Variants in ST8SIA1 observed in about 807,000 individuals in gnomAD.
ST8SIA1 encodes the protein ST8 alpha-N-acetyl-neuraminide alpha-2,8-sialyltransferase 1, also known as alpha-N-acetylneuraminide alpha-2,8-sialyltransferase.
In ST8SIA1, 16 loss-of-function variants were observed where a neutral mutation model predicts 35.9. The ratio of observed to expected loss-of-function variants is 0.45; its 90% CI spans 0.30 to 0.68. The LOEUF (loss-of-function observed/expected upper bound fraction) is 0.68, where lower values mean the gene tolerates loss of function less well. Ranked by LOEUF, ST8SIA1 falls within the 30% of genes least tolerant of loss-of-function variation. The probability of loss-of-function intolerance (pLI) is 0.09; values close to 1 mark genes in which losing one functional copy is unlikely to be tolerated. For synonymous variants in ST8SIA1, 170 were observed against 169.6 expected (o/e 1.00, Z -0.02); for missense variants, 383 against 453.6 (o/e 0.84, Z 1.41).
At position 22,309,221 on chromosome 12, in the gene ST8SIA1, C is replaced by T. The variant is rs186769801; in HGVS notation, c.237-21928G>A. 1.3e-3 allele frequency among the ~76,000 whole-genome samples: 204 copies of T among 152,202 alleles called. 1 individual carries two copies. Among genetic ancestry groups the T allele is most frequent in the East Asian group, 4.4e-3 (23 of 5,180 alleles). On this transcript the variant is annotated intron_variant, in intron 1 of 4. Coordinates refer to ENST00000396037, the MANE Select transcript of ST8SIA1 (RefSeq NM_003034.4). ...AAGTTGGACACACCTTGCTAGACCT[C>T]CTCCCTCGCTAACTACCATTAGCTT...
At chr12:22,320,937 GAAA>G in intron 1 of ST8SIA1, among the ~76,000 whole-genome samples, 1 of 60,948 alleles carries the variant, frequency 1.6e-5, no homozygotes, top group Non-Finnish European at 3.4e-5. Context: ...AAGAAAGAAA[GAAA>G]GAAAGAAAGA....
At chr12:22,328,800 C>T (rs1312968578) in intron 1 of ST8SIA1, among the ~76,000 whole-genome samples, 41 of 152,180 alleles carry the variant, frequency 2.7e-4, no homozygotes, top group Non-Finnish European at 1.5e-5. Context: ...ACATTTTAAA[C>T]ACATTATCTA....
rs749094158 is a variant in ST8SIA1 at position 22,334,061 on chromosome 12, C to T, written c.172G>A (p.Val58Met). 1.1e-5 allele frequency: 18 copies of T among 1,614,100 alleles called. No homozygotes were observed. In the South Asian group the frequency reaches 1.9e-4, roughly 17 times the overall value. ...VYRLPNEKEI[V>M]QGVLQQGTAW... The stretch of plus-strand genomic sequence containing the variant: ...GTGCCCTGTTGCAGCACCCCCTGCA[C>T]GATCTCTTTCTCGTTGGGCAGCCGG... The change falls in exon 1 of 5, where the codon GTG becomes ATG. Residue 58 changes from valine to methionine, a missense_variant. Transcript: ENST00000396037.
At chr12:22,308,265 T>C (rs1243561397) in intron 1 of ST8SIA1, among the ~76,000 whole-genome samples, 1 of 152,206 alleles carries the variant, frequency 6.6e-6, no homozygotes, top group African/African-American at 2.4e-5. Flanking sequence ...TTGAAAGTTA[T>C]AGATGCTTGT....
At chr12:22,289,421 T>C (rs1341033321) in intron 1 of ST8SIA1, among the ~76,000 whole-genome samples, 1 of 152,128 alleles carries the variant, frequency 6.6e-6, no homozygotes, top group East Asian at 1.9e-4. Context: ...GGCTTTCTCC[T>C]CTTTGCGAGC....
At chr12:22,202,091 C>T (rs999953493) in intron 4 of ST8SIA1, 53 bp from the exon 5 acceptor site, 59 of 1,498,182 alleles carry the variant, frequency 3.9e-5, no homozygotes, top group Admixed American at 6.9e-5. Context: ...AAGAAACTCA[C>T]CAAAACCCAC....
chr12:22,232,340 T>C (rs1248939513), intron 4 of ST8SIA1, among the ~76,000 whole-genome samples: 2 of 152,026 alleles, frequency 1.3e-5, no homozygotes, highest in Admixed American at 6.5e-5. Context: ...AATACGAAAG[T>C]AGAGCCACCG....
At chr12:22,240,377 G>A (rs1250801526) in intron 4 of ST8SIA1, among the ~76,000 whole-genome samples, 1 of 152,052 alleles carries the variant, frequency 6.6e-6, no homozygotes, top group Non-Finnish European at 1.5e-5. Flanking sequence ...ATTTTTAGGG[G>A]CTTTTCTTTT....
intron 2 of ST8SIA1, among the ~76,000 whole-genome samples, chr12:22,274,034 A>G (rs1029767501): frequency 3.3e-5 from 5 of 152,210 alleles, no homozygotes; most frequent in Non-Finnish European, 7.3e-5. Flanking sequence ...ATTAGGTAAG[A>G]GGAGGCAACA....
At chr12:22,287,488 C>CA (rs60549878) in intron 1 of ST8SIA1, among the ~76,000 whole-genome samples, 195 bp from the exon 2 acceptor site, 32,702 of 126,030 alleles carry the variant, frequency 0.26, 3,885 homozygotes, top group Middle Eastern at 0.33. Flanking sequence ...TATTTCACAG[C>CA]AAAAAAAAAA....
At chr12:22,279,639 T>C (rs1396282527) in intron 2 of ST8SIA1, among the ~76,000 whole-genome samples, 1 of 152,216 alleles carries the variant, frequency 6.6e-6, no homozygotes, top group African/African-American at 2.4e-5. Flanking sequence ...GCATTCTGCA[T>C]ACTAGCAGCA....
chr12:22,311,435 C>T (rs1866448505), intron 1 of ST8SIA1, among the ~76,000 whole-genome samples: 1 of 152,108 alleles, frequency 6.6e-6, no homozygotes, highest in African/African-American at 2.4e-5. Context: ...AAGCAAAAGG[C>T]TAAGCAACAT....
At chr12:22,243,700 C>T (rs976202926) in intron 4 of ST8SIA1, among the ~76,000 whole-genome samples, 1 of 152,206 alleles carries the variant, frequency 6.6e-6, no homozygotes, top group Admixed American at 6.5e-5. Flanking sequence ...ACAACACTGA[C>T]AGTGGTGCTG....
At chr12:22,330,028 A>G (rs1378515686) in intron 1 of ST8SIA1, among the ~76,000 whole-genome samples, 4 of 152,144 alleles carry the variant, frequency 2.6e-5, no homozygotes, top group African/African-American at 7.2e-5. Flanking sequence ...CCACTTTTCT[A>G]TGGTGGTCTC....
At chr12:22,251,478 T>C (rs1865668891) in intron 3 of ST8SIA1, among the ~76,000 whole-genome samples, 1 of 152,174 alleles carries the variant, frequency 6.6e-6, no homozygotes, top group Non-Finnish European at 1.5e-5. Flanking sequence ...ATAATGACAA[T>C]ACATTTTGGT....
intron 1 of ST8SIA1, among the ~76,000 whole-genome samples, chr12:22,290,847 A>G (rs1424001021): frequency 3.3e-5 from 5 of 152,168 alleles, no homozygotes. Flanking sequence ...GATGCTGTGT[A>G]TTATTTGCTT....
chr12:22,297,714 C>T (rs760842360), intron 1 of ST8SIA1, among the ~76,000 whole-genome samples: 23 of 152,090 alleles, frequency 1.5e-4, no homozygotes, highest in African/African-American at 5.6e-4. Flanking sequence ...GAATCTTATT[C>T]TGGGAGCTAG....
At chr12:22,254,284 T>C (rs1865704956) in intron 3 of ST8SIA1, among the ~76,000 whole-genome samples, 1 of 152,096 alleles carries the variant, frequency 6.6e-6, no homozygotes, top group Non-Finnish European at 1.5e-5. Flanking sequence ...TCTGAAATCT[T>C]GCCCTCCAGA....
chr12:22,205,608 A>G (rs1865098039), intron 4 of ST8SIA1, among the ~76,000 whole-genome samples: 1 of 152,154 alleles, frequency 6.6e-6, no homozygotes, highest in Non-Finnish European at 1.5e-5. Flanking sequence ...AAATAATTTT[A>G]AGATAAGTAA....
Sources: gnomAD v4.1 joint callset for allele counts (sites outside exome capture counted in the v4.1 genomes callset) on GRCh38, gnomAD v4.1.1 for gene constraint, MANE v1.5 for transcripts, NCBI Gene and HGNC (gene_info 2026-07-23, HGNC 2026-07-21) for gene names.